MACROD2: variants seen among roughly 807,000 people sequenced by gnomAD.
MACROD2 encodes mono-ADP ribosylhydrolase 2.
MACROD2 carries 36 observed loss-of-function variants against 70.4 expected under a neutral mutation model. That is an observed-to-expected ratio of 0.51 (90% CI 0.39 to 0.68). The LOEUF (loss-of-function observed/expected upper bound fraction) is 0.68. Ranked by LOEUF, MACROD2 falls within the 30% of genes least tolerant of loss-of-function variation. The pLI is 0.00. For synonymous variants in MACROD2, 172 were observed against 178.8 expected, an observed-to-expected ratio of 0.96 and a Z score of 0.30; for missense variants, 496 against 538.4, an observed-to-expected ratio of 0.92 and a Z score of 0.78.
chr20:15,802,217 C>T (rs1171619916), intron 8 of MACROD2, among the ~76,000 whole-genome samples: 1 of 152,092 alleles, frequency 6.6e-6, no homozygotes, highest in African/African-American at 2.4e-5. Context: ...ATTGCTCTGG[C>T]TAGAAATTCC....
intron 5 of MACROD2, among the ~76,000 whole-genome samples, chr20:15,005,885 T>C (rs2075031765): frequency 6.6e-6 from 1 of 152,102 alleles, no homozygotes; most frequent in African/African-American, 2.4e-5. Context: ...CCTTGAATAA[T>C]AGTTGATTGA....
At chr20:15,281,675 G>T (rs148255741) in intron 6 of MACROD2, among the ~76,000 whole-genome samples, 1 of 152,192 alleles carries the variant, frequency 6.6e-6, no homozygotes, top group South Asian at 2.1e-4. Context: ...AGGGTACAGC[G>T]TCCCACCCAG....
intron 6 of MACROD2, among the ~76,000 whole-genome samples, chr20:15,366,259 A>G (rs931128379): frequency 1.2e-4 from 18 of 152,078 alleles, no homozygotes; most frequent in African/African-American, 4.3e-4. Flanking sequence ...CCTTTTTTTC[A>G]GTAATTTTTC....
intron 3 of MACROD2, among the ~76,000 whole-genome samples, chr20:14,436,116 A>G (rs1446139065): frequency 6.6e-6 from 1 of 152,204 alleles, no homozygotes; most frequent in African/African-American, 2.4e-5. Context: ...GGCAGACTGC[A>G]TATCAGATGT....
chr20:15,896,570 T>C lies in MACROD2; in HGVS notation c.775+10759T>C, dbSNP rs117604662. Reference sequence around the variant, plus strand: ...TTTTTTCTAGAAAAAACACAGCTTCTGTAATCTTTTCTCTTTCTCTTTCCT... The same window carrying C: ...TTTTTTCTAGAAAAAACACAGCTTCCGTAATCTTTTCTCTTTCTCTTTCCT... On this transcript the variant is annotated intron_variant, in intron 10 of 17. Coordinates refer to ENST00000684519, the MANE Select transcript of MACROD2 (RefSeq NM_001351661.2). Among the ~76,000 whole-genome samples the C allele has an allele frequency of 3.7e-3, 565 of 151,626 alleles. 2 individuals are homozygous for C. Among genetic ancestry groups the C allele is most frequent in the South Asian group, 0.023 (109 of 4,810 alleles).
chr20:15,515,130 T>C (rs1158500657), intron 8 of MACROD2, among the ~76,000 whole-genome samples: 5 of 152,230 alleles, frequency 3.3e-5, no homozygotes, highest in African/African-American at 1.2e-4. Context: ...TCATTGCAAG[T>C]TGAATGAAAT....
chr20:13,995,638 G>C lies in MACROD2; in HGVS notation c.-126G>C. 1.2e-6 allele frequency: 1 copy of C among 860,574 alleles called. No homozygotes were observed. The highest frequency in any genetic ancestry group is 2.5e-5 in the East Asian group (1 of 39,448). The allele number at this position is 860,574 out of a possible 1,614,324, so 53.3% of individuals were successfully genotyped here. ...GAGCGGCGAGCGGCGAGCAGCGCAGGACGCAGAGCCTCTTTCACTTTTTCC... is the reference window on the plus strand; with the variant it reads ...GAGCGGCGAGCGGCGAGCAGCGCAGCACGCAGAGCCTCTTTCACTTTTTCC... On this transcript the variant is annotated 5_prime_UTR_variant, in exon 1 of 18. Coordinates refer to ENST00000684519, the MANE Select transcript of MACROD2 (RefSeq NM_001351661.2). This position sits in a 1 kb window ranked among gnomAD's most constrained non-coding sequence, Gnocchi z 4.3.
At chr20:14,141,910 A>AT (rs2054880979) in intron 3 of MACROD2, among the ~76,000 whole-genome samples, 1 of 152,182 alleles carries the variant, frequency 6.6e-6, no homozygotes, top group Non-Finnish European at 1.5e-5. Flanking sequence ...TTCATGAATG[A>AT]ATACATACGA....
intron 2 of MACROD2, among the ~76,000 whole-genome samples, chr20:14,071,172 T>C (rs1271404143): frequency 2.0e-5 from 3 of 152,012 alleles, no homozygotes; most frequent in Non-Finnish European, 4.4e-5. Context: ...TAATGAAAAT[T>C]CTGTTATATC....
At chr20:14,208,942 T>A (rs2081548122) in intron 3 of MACROD2, among the ~76,000 whole-genome samples, 1 of 152,198 alleles carries the variant, frequency 6.6e-6, no homozygotes, top group Non-Finnish European at 1.5e-5. Context: ...GCTCATTTTT[T>A]AAAAGACAGT....
intron 8 of MACROD2, among the ~76,000 whole-genome samples, chr20:15,626,391 G>C (rs971635163): frequency 2.0e-5 from 3 of 152,218 alleles, no homozygotes; most frequent in African/African-American, 7.2e-5. Flanking sequence ...TAGACACACA[G>C]AAATTTTGTT....
At chr20:15,742,548 C>T (rs576609447) in intron 8 of MACROD2, among the ~76,000 whole-genome samples, 5 of 152,274 alleles carry the variant, frequency 3.3e-5, no homozygotes, top group Non-Finnish European at 1.5e-5. Flanking sequence ...AATTCATTAT[C>T]CAGCATGTGT....
chr20:15,333,225 G>C (rs1349346122), intron 6 of MACROD2, among the ~76,000 whole-genome samples: 1 of 151,510 alleles, frequency 6.6e-6, no homozygotes, highest in Non-Finnish European at 1.5e-5. Flanking sequence ...AGAAACTCCA[G>C]GTATGGGACC....
intron 8 of MACROD2, among the ~76,000 whole-genome samples, chr20:15,681,194 T>A (rs2050155309): frequency 6.6e-6 from 1 of 152,210 alleles, no homozygotes; most frequent in African/African-American, 2.4e-5. Context: ...GTACTCTTGG[T>A]TTAAAGTTTG....
intron 3 of MACROD2, among the ~76,000 whole-genome samples, chr20:14,149,027 A>G (rs1253076350): frequency 6.6e-6 from 1 of 151,692 alleles, no homozygotes; most frequent in Non-Finnish European, 1.5e-5. Context: ...CTCTGTACCT[A>G]GCTCCTGTTT....
chr20:14,125,576 C>T (rs1472906091), intron 3 of MACROD2, among the ~76,000 whole-genome samples: 1 of 151,998 alleles, frequency 6.6e-6, no homozygotes, highest in Non-Finnish European at 1.5e-5. Context: ...ATGTGTATTT[C>T]CTGTGTTTTT....
At chr20:15,786,496 A>G (rs898576884) in intron 8 of MACROD2, among the ~76,000 whole-genome samples, 1 of 152,248 alleles carries the variant, frequency 6.6e-6, no homozygotes, top group Non-Finnish European at 1.5e-5. Flanking sequence ...GTATTATAGT[A>G]TCTGATGCCA....
chr20:14,281,948 A>G (rs931598833), intron 3 of MACROD2, among the ~76,000 whole-genome samples: 1 of 150,902 alleles, frequency 6.6e-6, no homozygotes, highest in African/African-American at 2.4e-5. Context: ...AAAAAAAAAA[A>G]AAAGAAAAGA....
At chr20:15,925,325 C>A (rs2065472698) in intron 10 of MACROD2, among the ~76,000 whole-genome samples, 1 of 152,150 alleles carries the variant, frequency 6.6e-6, no homozygotes, top group Admixed American at 6.6e-5. Context: ...TGATTGTGTA[C>A]AGGATGCTTT....
Sources: allele counts gnomAD v4.1 joint callset (sites outside exome capture counted in the v4.1 genomes callset), GRCh38; gene constraint gnomAD v4.1.1; non-coding constraint Gnocchi (gnomAD v3.1); transcripts MANE v1.5; gene names NCBI Gene and HGNC (gene_info 2026-07-23, HGNC 2026-07-21).